The following GPHN variants were observed in gnomAD, a reference collection of about 807,000 sequenced individuals.
GPHN encodes the protein gephyrin.
Under a neutral mutation model 95.5 loss-of-function variants are expected in GPHN, and 17 were observed. The observed-to-expected ratio is 0.18, with a 90% CI of 0.12 to 0.27. The LOEUF (loss-of-function observed/expected upper bound fraction) is 0.27. Among genes scored for constraint, GPHN ranks in the 10% least tolerant of loss-of-function variants. The pLI is 1.00. For missense variants in GPHN, 660 were observed against 978.1 expected, an observed-to-expected ratio of 0.67 and a Z score of 4.34; for synonymous variants, 320 against 322.5, an observed-to-expected ratio of 0.99 and a Z score of 0.08.
chr14:66,724,226 G>A (rs994118552), intron 2 of GPHN, among the ~76,000 whole-genome samples: 1 of 151,990 alleles, frequency 6.6e-6, no homozygotes, highest in Non-Finnish European at 1.5e-5. Context: ...ACCAATATTT[G>A]GGGAGGGTTT....
intron 9 of GPHN, among the ~76,000 whole-genome samples, chr14:67,017,705 C>T (rs2073390268): frequency 6.6e-6 from 1 of 151,992 alleles, no homozygotes; most frequent in South Asian, 2.1e-4. Flanking sequence ...TTATTGGACT[C>T]CAAATGTCAC....
chr14:67,304,455 A>G, the GPHN span, among the ~76,000 whole-genome samples: 2 of 152,240 alleles, frequency 1.3e-5, no homozygotes, highest in Non-Finnish European at 2.9e-5. Flanking sequence ...ATATTATTTG[A>G]TAATTTTAAA....
intron 11 of GPHN, among the ~76,000 whole-genome samples, chr14:67,083,887 G>T (rs531473883): frequency 3.3e-5 from 5 of 152,122 alleles, no homozygotes; most frequent in Admixed American, 2.6e-4. Flanking sequence ...CTCTTTGATC[G>T]AAGCTGGTTG....
rs34959102 is a variant in GPHN at position 66,763,222 on chromosome 14, CTTTTT to C, written c.144-13233_144-13229del. Among the ~76,000 whole-genome samples, 1,326 of 144,330 alleles carry C rather than the reference CTTTTT, an allele frequency of 9.2e-3. 21 individuals are homozygous for C. The highest frequency in any genetic ancestry group is 0.031 in the African/African-American group (1,243 of 40,432). 94.7% of individuals were successfully genotyped at this position (144,330 alleles called of 152,430 possible). A position where few individuals can be genotyped will look rare whatever the true frequency, so the allele number is the denominator to read the frequency against. On this transcript the variant is annotated intron_variant, in intron 2 of 22. Transcript: ENST00000478722. ...ATATTACAACTATTTTTTTTTTAAT[CTTTTT>C]TTTTTTTTCTTTTTTTATTATTATT...
chr14:67,499,904 A>G, the GPHN span, among the ~76,000 whole-genome samples: 1 of 152,080 alleles, frequency 6.6e-6, no homozygotes, highest in Admixed American at 6.6e-5. Flanking sequence ...CCACCATCTG[A>G]AGACACCTGG....
chr14:66,669,269 C>T (rs570137439), intron 1 of GPHN, among the ~76,000 whole-genome samples: 10 of 150,632 alleles, frequency 6.6e-5, no homozygotes, highest in East Asian at 2.0e-4. Flanking sequence ...GAGGCTGAGG[C>T]GGGAGAATCG....
the GPHN span, among the ~76,000 whole-genome samples, chr14:67,422,276 G>A: frequency 1.8e-3 from 273 of 152,174 alleles, no homozygotes; most frequent in South Asian, 4.6e-3. Flanking sequence ...GTCCTGCCTT[G>A]CCTTCCCCTT....
chr14:66,526,757 G>A (rs983185682), intron 1 of GPHN, among the ~76,000 whole-genome samples: 2 of 151,986 alleles, frequency 1.3e-5, no homozygotes, highest in Non-Finnish European at 2.9e-5. Flanking sequence ...TCATTGCTTC[G>A]GTTTTGTGGT....
At chr14:67,526,184 C>T in the GPHN span, among the ~76,000 whole-genome samples, 1 of 152,260 alleles carries the variant, frequency 6.6e-6, no homozygotes, top group Admixed American at 6.5e-5. Context: ...TATCACCACT[C>T]TGAAAACCCC....
chr14:67,460,452 C>A, the GPHN span, among the ~76,000 whole-genome samples: 1 of 152,292 alleles, frequency 6.6e-6, no homozygotes, highest in Admixed American at 6.5e-5. Context: ...CACCTGTAAT[C>A]CCAGCACTTT....
chr14:67,513,740 G>A, the GPHN span, among the ~76,000 whole-genome samples: 22 of 152,286 alleles, frequency 1.4e-4, no homozygotes, highest in South Asian at 4.6e-3. Flanking sequence ...GCCCTCCAGT[G>A]CCTTCTGTCT....
the GPHN span, among the ~76,000 whole-genome samples, chr14:67,477,882 C>T: frequency 1.3e-5 from 2 of 152,212 alleles, no homozygotes; most frequent in Non-Finnish European, 2.9e-5. Flanking sequence ...CCAGCGGTCT[C>T]AAAGTCTGTC....
At chr14:66,581,479 A>T (rs1158072592) in intron 1 of GPHN, among the ~76,000 whole-genome samples, 1 of 152,014 alleles carries the variant, frequency 6.6e-6, no homozygotes, top group African/African-American at 2.4e-5. Context: ...AGACAGCAAG[A>T]AAGGAAGAAA....
the GPHN span, chr14:67,646,700 T>C: frequency 6.2e-7 from 1 of 1,613,908 alleles, no homozygotes; most frequent in Non-Finnish European, 8.5e-7. Context: ...CTGCAAGTAT[T>C]GTGTATATTG....
At chr14:67,525,965 C>T in the GPHN span, among the ~76,000 whole-genome samples, 2 of 152,178 alleles carry the variant, frequency 1.3e-5, no homozygotes, top group Non-Finnish European at 2.9e-5. Context: ...ACAGCAGCCC[C>T]GTGTCAGCCC....
intron 1 of GPHN, among the ~76,000 whole-genome samples, chr14:66,620,515 T>C (rs558307432): frequency 1.3e-4 from 20 of 152,098 alleles, no homozygotes; most frequent in Non-Finnish European, 2.5e-4. Context: ...TGAGAACTCA[T>C]TCATTATCAT....
At chr14:67,329,260 A>G in the GPHN span, among the ~76,000 whole-genome samples, 1 of 152,174 alleles carries the variant, frequency 6.6e-6, no homozygotes, top group Non-Finnish European at 1.5e-5. Context: ...GAGTTCACTC[A>G]TGATTTGGCT....
the GPHN span, chr14:67,651,523 T>C: frequency 6.2e-7 from 1 of 1,606,022 alleles, no homozygotes; most frequent in Non-Finnish European, 8.5e-7. Context: ...GAAGTTTGGA[T>C]AACCTTCCTT....
intron 2 of GPHN, among the ~76,000 whole-genome samples, chr14:66,707,323 A>G (rs1283585401): frequency 1.3e-5 from 2 of 152,226 alleles, no homozygotes; most frequent in Non-Finnish European, 2.9e-5. Context: ...GTATATACCC[A>G]GAGGAATATA....
Sources: gnomAD v4.1 joint callset for allele counts (sites outside exome capture counted in the v4.1 genomes callset) on GRCh38, gnomAD v4.1.1 for gene constraint, MANE v1.5 for transcripts, NCBI Gene and HGNC (gene_info 2026-07-23, HGNC 2026-07-21) for gene names.